ZC3H8: variants seen among roughly 807,000 people sequenced by gnomAD.
The protein encoded by ZC3H8 is zinc finger CCCH-type containing 8.
In ZC3H8, 27 loss-of-function variants were observed where a neutral mutation model predicts 42.5. That is an observed-to-expected ratio of 0.64 (90% CI 0.47 to 0.88). The LOEUF is 0.88. Among genes scored for constraint, ZC3H8 ranks in the 40% least tolerant of loss-of-function variants. The pLI is 0.00. For synonymous variants in ZC3H8, 101 were observed against 110.1 expected, an observed-to-expected ratio of 0.92 and a Z score of 0.52; for missense variants, 277 against 336.1, an observed-to-expected ratio of 0.82 and a Z score of 1.37.
chr2:112,231,564 TTTAGC>T (rs1411424816), intron 7 of ZC3H8, among the ~76,000 whole-genome samples: 1 of 152,224 alleles, frequency 6.6e-6, no homozygotes, highest in Non-Finnish European at 1.5e-5. Context: ...ATTTGCTTTG[TTTAGC>T]TTAGCTTAGC....
rs1686068636 is a variant in ZC3H8 at position 112,254,813 on chromosome 2, G to GGACGTGGCCCC, written c.74+84_74+94dup. On this transcript the variant is annotated intron_variant, in intron 1 of 8. Coordinates refer to ENST00000409573, the MANE Select transcript of ZC3H8 (RefSeq NM_032494.3). Reference sequence around the variant, plus strand: ...CCCACGGGCCCTCGCGACGCGGCCCGGACGTGGCCCCGGACTGCCTCCAAT... The same window carrying GGACGTGGCCCC: ...CCCACGGGCCCTCGCGACGCGGCCCGGACGTGGCCCCGACGTGGCCCCGGACTGCCTCCAAT... 2.1e-6 allele frequency: 3 copies of GGACGTGGCCCC among 1,426,960 alleles called. No individual in the cohort carries two copies. The African/African-American group carries it at 4.3e-5, about 20-fold the overall frequency. The allele number at this position is 1,426,960 out of a possible 1,614,324, so 88.4% of individuals were successfully genotyped here.
At chr2:112,243,741 C>T (rs1038974491) in intron 2 of ZC3H8, among the ~76,000 whole-genome samples, 1 of 152,046 alleles carries the variant, frequency 6.6e-6, no homozygotes, top group Non-Finnish European at 1.5e-5. Context: ...CCTTAAAAAC[C>T]TAAAATATTT....
At chr2:112,218,287 A>C (rs577822905) in intron 8 of ZC3H8, among the ~76,000 whole-genome samples, 2 of 152,334 alleles carry the variant, frequency 1.3e-5, no homozygotes, top group South Asian at 4.1e-4. Context: ...CCAAAGGCAG[A>C]TGTTTTCAGA....
intron 8 of ZC3H8, among the ~76,000 whole-genome samples, chr2:112,219,784 C>T (rs916692969): frequency 2.0e-5 from 3 of 151,984 alleles, no homozygotes; most frequent in African/African-American, 7.3e-5. Flanking sequence ...CTACTAGGTC[C>T]ATTTGGTCAA....
Position 112,238,541 on chromosome 2 carries a change from T to C in ZC3H8, c.157-13A>G. ...CAGAGTGTCTAAACTAAGTAAAAAT[T>C]AAAACTTCAATTTTAAAAACCTAGC... is the stretch of plus-strand genomic sequence containing the variant. On this transcript the variant is annotated splice_polypyrimidine_tract_variant and intron_variant, in intron 2 of 8. Transcript: ENST00000409573. 6.3e-7 allele frequency: 1 copy of C among 1,583,638 alleles called. No individual in the cohort carries two copies. The highest frequency in any genetic ancestry group is 8.5e-7 in the Non-Finnish European group (1 of 1,169,710).
chr2:112,247,808 G>C (rs998902947), intron 2 of ZC3H8, among the ~76,000 whole-genome samples: 4 of 152,126 alleles, frequency 2.6e-5, no homozygotes, highest in Non-Finnish European at 5.9e-5. Context: ...GAAGTCTGGA[G>C]GAGCTAAAAG....
chr2:112,240,473 T>G (rs1685531435), intron 2 of ZC3H8: 1 of 152,182 alleles, frequency 6.6e-6, no homozygotes, highest in Non-Finnish European at 1.5e-5. Context: ...TACATAGAGG[T>G]GAGATTTTCT....
At chr2:112,252,883 C>T (rs1281622652) in intron 1 of ZC3H8, among the ~76,000 whole-genome samples, 1 of 152,208 alleles carries the variant, frequency 6.6e-6, no homozygotes, top group Non-Finnish European at 1.5e-5. Flanking sequence ...GTGGCTCACG[C>T]CTGTAATCCC....
rs751934981 is a variant in ZC3H8, at chr2:112,238,321, G to A, written c.364C>T (p.Pro122Ser). The change falls in exon 3 of 9, where the codon CCA becomes TCA. Residue 122 changes from proline to serine, a missense_variant. By Grantham distance (74) the Pro-to-Ser change is moderately conservative (BLOSUM62 -1). Transcript: ENST00000409573. ...AAAATAGTTTGACTCTTACCCTGTG[G>A]GGTATCTTTTACTCCTTCTTTCTTT... is the stretch of plus-strand genomic sequence containing the variant. ...STKKEGVKDT[P>S]QAAKQKNKNL... 1.2e-6 allele frequency: 2 copies of A among 1,613,070 alleles called. No individual in the cohort carries two copies. The highest frequency in any genetic ancestry group is 1.7e-5 in the Admixed American group (1 of 59,962).
chr2:112,253,528 T>C (rs536735663), intron 1 of ZC3H8, among the ~76,000 whole-genome samples: 4 of 152,254 alleles, frequency 2.6e-5, no homozygotes, highest in Admixed American at 6.5e-5. Context: ...CAAATGACAA[T>C]TGGGAGTAAA....
rs1434732562 is a variant in ZC3H8, at chr2:112,231,320, T to C, written c.844-370A>G. ...AAAGAATCTTTTAAATTTTCATGTATACTTAGATTAAATTTTTAAGAGACT... is the reference window on the plus strand; with the variant it reads ...AAAGAATCTTTTAAATTTTCATGTACACTTAGATTAAATTTTTAAGAGACT... On this transcript the variant is annotated intron_variant, in intron 7 of 8. Coordinates refer to ENST00000409573, the MANE Select transcript of ZC3H8 (RefSeq NM_032494.3). Among the ~76,000 whole-genome samples the C allele has an allele frequency of 2.0e-5, 3 of 152,136 alleles. No individual in the cohort carries two copies. The East Asian group carries it at 5.8e-4, about 29-fold the overall frequency.
chr2:112,251,357 G>C (rs1057299526), intron 1 of ZC3H8, among the ~76,000 whole-genome samples: 1 of 152,194 alleles, frequency 6.6e-6, no homozygotes, highest in Non-Finnish European at 1.5e-5. Context: ...CAGAGCTCCA[G>C]AGTTACATCC....
In ZC3H8 at chr2:112,255,023, G is replaced by C. The variant is rs544032020; in HGVS notation, c.-42C>G. ...CCCTTTCGCGAGCCGGGAAGCTACA[G>C]AGTAACAACCCGAGAGAGTGACAAC... On this transcript the variant is annotated 5_prime_UTR_variant, in exon 1 of 9. Coordinates refer to ENST00000409573, the MANE Select transcript of ZC3H8 (RefSeq NM_032494.3). The C allele has an allele frequency of 6.4e-7, 1 of 1,566,222 alleles. No homozygotes were observed. Among genetic ancestry groups the C allele is most frequent in the African/African-American group, 1.4e-5 (1 of 73,862 alleles).
Position 112,238,427 on chromosome 2 carries a change from T to G in ZC3H8, c.258A>C (p.Ser86=). The change falls in exon 3 of 9, where the codon TCA becomes TCC. Residue 86 remains serine (S), a synonymous_variant. Transcript: ENST00000409573. ...YSDNDICSQE[S]EDNFAKELQQ... Reference sequence around the variant, plus strand: ...GAAGCTCTTTGGCAAAATTATCTTCTGATTCCTGACTGCAGATATCATTAT... The same window carrying G: ...GAAGCTCTTTGGCAAAATTATCTTCGGATTCCTGACTGCAGATATCATTAT... 6.2e-7 allele frequency: 1 copy of G among 1,613,706 alleles called. No homozygotes were observed. The highest frequency in any genetic ancestry group is 8.5e-7 in the Non-Finnish European group (1 of 1,179,870).
chr2:112,220,756 G>A (rs1367026928), intron 8 of ZC3H8, among the ~76,000 whole-genome samples: 1 of 152,220 alleles, frequency 6.6e-6, no homozygotes, highest in Non-Finnish European at 1.5e-5. Context: ...GGGAGTCAGA[G>A]GTTGTGGTGA....
intron 2 of ZC3H8, among the ~76,000 whole-genome samples, chr2:112,241,790 T>C (rs1475193590): frequency 1.3e-5 from 2 of 152,230 alleles, no homozygotes; most frequent in African/African-American, 4.8e-5. Context: ...ATTCAGTGTA[T>C]TAATAAAGAA....
rs780908057 is a variant in ZC3H8, at chr2:112,238,478, T to C, written c.207A>G (p.Arg69=). Residue 69 remains arginine, a synonymous_variant, in exon 3 of 9, where the codon AGA becomes AGG. Coordinates refer to ENST00000409573, the MANE Select transcript of ZC3H8 (RefSeq NM_032494.3). ...SPKSSLHRKS[R]SKDYDVYSDN... ...CACTATATACATCATAGTCCTTACT[T>C]CTTGATTTTCTATGCAGCGAACTTT... is the stretch of plus-strand genomic sequence containing the variant. 1 of 1,612,584 alleles carries C rather than the reference T, an allele frequency of 6.2e-7. No homozygotes were observed. Among genetic ancestry groups the C allele is most frequent in the Non-Finnish European group, 8.5e-7 (1 of 1,179,792 alleles).
intron 8 of ZC3H8, among the ~76,000 whole-genome samples, chr2:112,226,069 A>G (rs1684812591): frequency 1.3e-5 from 2 of 151,890 alleles, no homozygotes; most frequent in South Asian, 4.2e-4. Flanking sequence ...GCAACAGAGC[A>G]AGACTTCATC....
intron 2 of ZC3H8, among the ~76,000 whole-genome samples, chr2:112,238,938 T>C (rs1168411809): frequency 1.3e-5 from 2 of 152,244 alleles, no homozygotes; most frequent in African/African-American, 2.4e-5. Context: ...CAATAATTTA[T>C]CATTTTGTAA....
Sources: allele counts gnomAD v4.1 joint callset (sites outside exome capture counted in the v4.1 genomes callset), GRCh38; gene constraint gnomAD v4.1.1; transcripts MANE v1.5; gene names NCBI Gene and HGNC (gene_info 2026-07-23, HGNC 2026-07-21).